TYW1B: variants seen among roughly 807,000 people sequenced by gnomAD.
The protein encoded by TYW1B is tRNA-yW synthesizing protein 1 homolog B.
In TYW1B, 73 loss-of-function variants were observed where a neutral mutation model predicts 86.9. That is an observed-to-expected ratio of 0.84 (90% CI 0.70 to 1.02). The LOEUF (loss-of-function observed/expected upper bound fraction) is 1.02. TYW1B is among the 50% of genes least tolerant of loss of function. TYW1B has a pLI of 0.00. For synonymous variants in TYW1B, 248 were observed against 292.8 expected, an observed-to-expected ratio of 0.85 and a Z score of 1.56; for missense variants, 637 against 827.4, an observed-to-expected ratio of 0.77 and a Z score of 2.82.
At chr7:72,773,845 A>C (rs1462015555) in intron 7 of TYW1B, among the ~76,000 whole-genome samples, 1 of 152,088 alleles carries the variant, frequency 6.6e-6, no homozygotes, top group Non-Finnish European at 1.5e-5. Context: ...CGGGTGGATC[A>C]CCTGAGGTCA....
At chr7:72,585,562 T>C (rs1157821938) in intron 13 of TYW1B, among the ~76,000 whole-genome samples, 1 of 152,136 alleles carries the variant, frequency 6.6e-6, no homozygotes, top group Non-Finnish European at 1.5e-5. Context: ...ACAATTCCCA[T>C]GTGTTGTGGG....
chr7:72,716,732 G>C (rs537035214), intron 9 of TYW1B, among the ~76,000 whole-genome samples: 1 of 151,802 alleles, frequency 6.6e-6, no homozygotes, highest in Non-Finnish European at 1.5e-5. Context: ...TCCGCCTCCC[G>C]GGTTCAAGCA....
At chr7:72,773,436 C>G (rs1243594231) in intron 7 of TYW1B, among the ~76,000 whole-genome samples, 1 of 152,130 alleles carries the variant, frequency 6.6e-6, no homozygotes, top group Admixed American at 6.5e-5. Context: ...AAGGTGAGCC[C>G]TCCCATTACC....
At chr7:72,599,619 C>T (rs1403407435) in intron 13 of TYW1B, among the ~76,000 whole-genome samples, 3 of 152,040 alleles carry the variant, frequency 2.0e-5, no homozygotes. Context: ...CGTGATTATA[C>T]ATGTAGAAGA....
At chr7:72,713,944 TAGAATTATTAAATC>T (rs1786728073) in intron 9 of TYW1B, 146 bp from the exon 10 acceptor site, 1 of 507,006 alleles carries the variant, frequency 2.0e-6, no homozygotes, top group Non-Finnish European at 3.5e-6. Context: ...AGGGCAGGAC[TAGAATTATTAAATC>T]AGAAAAATCA....
At chr7:72,583,381 G>A (rs1811202452) in intron 13 of TYW1B, among the ~76,000 whole-genome samples, 2 of 152,236 alleles carry the variant, frequency 1.3e-5, no homozygotes, top group African/African-American at 4.8e-5. Context: ...AAAATGGCGG[G>A]TTGGGGGTGC....
At chr7:72,576,569 G>A (rs1811027085) in intron 13 of TYW1B, among the ~76,000 whole-genome samples, 2 of 143,742 alleles carry the variant, frequency 1.4e-5, no homozygotes, top group Non-Finnish European at 3.0e-5. Context: ...CTGGAGTGTA[G>A]TGGCCTGATC....
At chr7:72,652,766 T>C in intron 11 of TYW1B, among the ~76,000 whole-genome samples, 1 of 152,210 alleles carries the variant, frequency 6.6e-6, no homozygotes, top group East Asian at 1.9e-4. Flanking sequence ...CATGTGGAGT[T>C]GTACTTCATC....
Position 72,575,476 on chromosome 7 carries a change from A to C in TYW1B, c.*22T>G. ...GAGGCCATCCAAGTTTTTGTCCTTCAGTACCTTGAAATCAGATAATCTCAA... is the reference window on the plus strand; with the variant it reads ...GAGGCCATCCAAGTTTTTGTCCTTCCGTACCTTGAAATCAGATAATCTCAA... On this transcript the variant is annotated 3_prime_UTR_variant, in exon 14 of 14. Coordinates refer to ENST00000620995, the MANE Select transcript of TYW1B (RefSeq NM_001145440.3). The C allele has an allele frequency of 6.3e-7, 1 of 1,592,364 alleles. No homozygotes were observed.
chr7:72,619,708 C>T (rs1314784750), intron 12 of TYW1B, among the ~76,000 whole-genome samples: 1 of 150,356 alleles, frequency 6.7e-6, no homozygotes, highest in African/African-American at 2.4e-5. Context: ...GCTAGCCTTA[C>T]CAAGTGCATA....
intron 11 of TYW1B, among the ~76,000 whole-genome samples, chr7:72,650,994 T>C (rs565706575): frequency 2.0e-5 from 3 of 152,214 alleles, no homozygotes; most frequent in Non-Finnish European, 4.4e-5. Flanking sequence ...AAAATAAATA[T>C]GAAAATGTAA....
intron 12 of TYW1B, among the ~76,000 whole-genome samples, chr7:72,622,801 A>G (rs1366673207): frequency 6.6e-6 from 1 of 151,948 alleles, no homozygotes; most frequent in Non-Finnish European, 1.5e-5. Flanking sequence ...TGCATAACAC[A>G]CACAACACAC....
intron 8 of TYW1B, among the ~76,000 whole-genome samples, chr7:72,730,292 AAGAG>A (rs1554459594): frequency 6.6e-6 from 1 of 151,880 alleles, no homozygotes; most frequent in African/African-American, 2.4e-5. Flanking sequence ...AAGGAAACTC[AAGAG>A]AGATACAAGA....
At position 72,604,138 on chromosome 7, in the gene TYW1B, AC is replaced by A. The variant is rs1408010918; in HGVS notation, c.1785+12533del. 2.6e-5 allele frequency among the ~76,000 whole-genome samples: 4 copies of A among 152,146 alleles called. 1 individual carries two copies. The South Asian group carries it at 6.2e-4, about 24-fold the overall frequency. ...GTCTCAATTTTTCTGTAAGTCAAAA[AC>A]TTCTGTAAAACATAAAGTCTATTGA... On this transcript the variant is annotated intron_variant, in intron 13 of 13. Coordinates refer to ENST00000620995, the MANE Select transcript of TYW1B (RefSeq NM_001145440.3).
At chr7:72,826,112 T>C (rs1480746741) in intron 2 of TYW1B, among the ~76,000 whole-genome samples, 2 of 152,208 alleles carry the variant, frequency 1.3e-5, no homozygotes, top group Non-Finnish European at 2.9e-5. Context: ...TGTTCCAGTC[T>C]GAGAACCATA....
chr7:72,773,449 A>G (rs35575602), intron 7 of TYW1B, among the ~76,000 whole-genome samples: 104,923 of 152,062 alleles, frequency 0.69, 37,174 homozygotes, highest in Non-Finnish European at 0.77. Flanking sequence ...CCATTACCTC[A>G]GCTTACTGTC....
At chr7:72,789,123 G>A (rs1379313024) in intron 6 of TYW1B, among the ~76,000 whole-genome samples, 2 of 151,740 alleles carry the variant, frequency 1.3e-5, no homozygotes, top group Non-Finnish European at 2.9e-5. Context: ...GAGCCACCAA[G>A]CCCGGCCTGG....
At chr7:72,800,431 T>A (rs370623855) in intron 6 of TYW1B, among the ~76,000 whole-genome samples, 2 of 152,014 alleles carry the variant, frequency 1.3e-5, no homozygotes, top group East Asian at 1.9e-4. Flanking sequence ...ACTTCTGGCC[T>A]CAAGAAATCC....
At chr7:72,639,865 CA>C (rs34283765) in intron 11 of TYW1B, among the ~76,000 whole-genome samples, 53,223 of 109,104 alleles carry the variant, frequency 0.49, 10,923 homozygotes, top group African/African-American at 0.65. Flanking sequence ...GACTCCATCT[CA>C]AAAAAAAAAA....
Sources: gnomAD v4.1 joint callset for allele counts (sites outside exome capture counted in the v4.1 genomes callset) on GRCh38, gnomAD v4.1.1 for gene constraint, MANE v1.5 for transcripts, NCBI Gene and HGNC (gene_info 2026-07-23, HGNC 2026-07-21) for gene names.